DTX4: variants seen among roughly 807,000 people sequenced by gnomAD.
DTX4 encodes the protein deltex E3 ubiquitin ligase 4.
A neutral mutation model predicts 57.6 loss-of-function variants in DTX4; 28 were observed. The observed-to-expected ratio is 0.49, with a 90% CI of 0.36 to 0.67. DTX4 has a LOEUF of 0.67. DTX4 is among the 30% of genes least tolerant of loss of function. The pLI, the probability that DTX4 is intolerant of heterozygous loss-of-function variation, is 0.00. For synonymous variants in DTX4, 316 were observed against 331.0 expected, an observed-to-expected ratio of 0.95 and a Z score of 0.49; for missense variants, 715 against 836.8, an observed-to-expected ratio of 0.85 and a Z score of 1.80.
intron 1 of DTX4, among the ~76,000 whole-genome samples, chr11:59,177,178 T>G (rs750043977): frequency 2.0e-5 from 3 of 152,176 alleles, no homozygotes; most frequent in Non-Finnish European, 2.9e-5. Context: ...ACATAGACCC[T>G]GTAGCCCAAC....
Position 59,192,131 on chromosome 11 carries a change from C to A in DTX4, c.1255C>A (p.Pro419Thr). ...CATCTGTATGGAACGCCTCACGGCC[C>A]CCTCAGGCTACAAGGGCCCGCAGCC... ...CTICMERLTA[P>T]SGYKGPQPTV... is the part of the protein sequence containing the mutation. Residue 419 changes from proline (P) to threonine (T), a missense_variant, in exon 6 of 9, where the codon CCC becomes ACC. Pro to Thr is a conservative substitution (Grantham distance 38, BLOSUM62 -1). Transcript: ENST00000227451. 1 of 1,613,840 alleles carries A rather than the reference C, an allele frequency of 6.2e-7. No individual in the cohort carries two copies. The highest frequency in any genetic ancestry group is 8.5e-7 in the Non-Finnish European group (1 of 1,179,902).
chr11:59,207,402 GC>G lies in DTX4; in HGVS notation c.*2498del, dbSNP rs1194040575. ...CCCCTGGGCTTTTGATTGTGTCTGT[GC>G]CCCCTTTCTTGTCCTCTCTGCAGAT... On this transcript the variant is annotated 3_prime_UTR_variant, in exon 9 of 9. Coordinates refer to ENST00000227451, the MANE Select transcript of DTX4 (RefSeq NM_015177.2). 6.6e-6 allele frequency: 1 copy of G among 152,366 alleles called. No homozygotes were observed. Among genetic ancestry groups the G allele is most frequent in the Non-Finnish European group, 1.5e-5 (1 of 68,210 alleles). The allele number at this position is 152,366 out of a possible 1,614,324, so 9.4% of individuals were successfully genotyped here. A position where few individuals can be genotyped will look rare whatever the true frequency, so the allele number is the denominator to read the frequency against.
At chr11:59,191,350 C>A (rs1442447586) in intron 5 of DTX4, among the ~76,000 whole-genome samples, 175 bp downstream of exon 5, 1 of 152,224 alleles carries the variant, frequency 6.6e-6, no homozygotes, top group Non-Finnish European at 1.5e-5. Flanking sequence ...GCTGCAGCTG[C>A]ACCTCAATCT....
chr11:59,172,631 G>T lies in DTX4; in HGVS notation c.36G>T (p.Trp12Cys). 1 of 1,586,886 alleles carries T rather than the reference G, an allele frequency of 6.3e-7. No homozygotes were observed. Residue 12 changes from tryptophan (W) to cysteine (C), a missense_variant, in exon 1 of 9, where the codon TGG becomes TGT. Physicochemically the swap from Trp to Cys is radical, Grantham distance 215 (BLOSUM62 -2). Transcript: ENST00000227451. The stretch of plus-strand genomic sequence containing the variant: ...CCTCGGCCGTGGTGGTCTGGGAATG[G>T]CTGAACGAGCACGGCCGCTGGCGTC... ...LLASAVVVWE[W>C]LNEHGRWRPY...
chr11:59,184,518 A>G (rs1408625914), intron 2 of DTX4, among the ~76,000 whole-genome samples: 1 of 152,210 alleles, frequency 6.6e-6, no homozygotes, highest in Admixed American at 6.5e-5. Context: ...ACAGGTGTCC[A>G]TGTAGGGGAA....
intron 6 of DTX4, chr11:59,194,980 T>A: frequency 1.8e-6 from 1 of 567,178 alleles, no homozygotes. Context: ...CTCTTACATA[T>A]CCCTCAGCAT....
rs1196958189 is a variant in DTX4 at position 59,207,637 on chromosome 11, G to T, written c.*2728G>T. ...TGCATCTACTACCTTGACACAGAGTGTTTTCCCACTAGAAGCTCTGCTCTG... is the reference window on the plus strand; with the variant it reads ...TGCATCTACTACCTTGACACAGAGTTTTTTCCCACTAGAAGCTCTGCTCTG... On this transcript the variant is annotated 3_prime_UTR_variant, in exon 9 of 9. Coordinates refer to ENST00000227451, the MANE Select transcript of DTX4 (RefSeq NM_015177.2). 1 of 152,716 alleles carries T rather than the reference G, an allele frequency of 6.5e-6. No individual in the cohort carries two copies. The highest frequency in any genetic ancestry group is 1.9e-4 in the East Asian group (1 of 5,200). 9.5% of individuals were successfully genotyped at this position (152,716 alleles called of 1,614,324 possible).
intron 6 of DTX4, chr11:59,194,945 G>A (rs1189853432): frequency 6.0e-6 from 3 of 499,840 alleles, no homozygotes; most frequent in Non-Finnish European, 3.6e-6. Context: ...TAGAGAGCTG[G>A]TCCCCTCCTC....
chr11:59,200,098 C>A (rs1192335886), intron 8 of DTX4, among the ~76,000 whole-genome samples: 1 of 152,146 alleles, frequency 6.6e-6, no homozygotes, highest in African/African-American at 2.4e-5. Context: ...GCTGGGAAGT[C>A]CCCACAATCA....
At position 59,191,194 on chromosome 11, in the gene DTX4, G is replaced by A; in HGVS notation, c.1221+19G>A. 2 of 1,562,738 alleles carry A rather than the reference G, an allele frequency of 1.3e-6. No individual in the cohort carries two copies. Among genetic ancestry groups the A allele is most frequent in the Non-Finnish European group, 1.7e-6 (2 of 1,153,296 alleles). ...AGATGAGGTGAGTTCAGGGTTAGAA[G>A]AGCGGGATTCACCTCTCCATCACCC... On this transcript the variant is annotated intron_variant, in intron 5 of 8. Coordinates refer to ENST00000227451, the MANE Select transcript of DTX4 (RefSeq NM_015177.2).
At chr11:59,180,507 G>A (rs1370580580) in intron 1 of DTX4, among the ~76,000 whole-genome samples, 1 of 152,182 alleles carries the variant, frequency 6.6e-6, no homozygotes, top group African/African-American at 2.4e-5. Context: ...CAGTCTTGGT[G>A]TATCCCTCTG....
chr11:59,172,777 A>G lies in DTX4; in HGVS notation c.182A>G (p.Gln61Arg), dbSNP rs1862344280. The G allele has an allele frequency of 1.3e-6, 2 of 1,595,466 alleles. No homozygotes were observed. The highest frequency in any genetic ancestry group is 2.7e-5 in the African/African-American group (2 of 73,658). The change falls in exon 1 of 9, where the codon CAG becomes CGG. Residue 61 changes from glutamine (Q) to arginine (R), a missense_variant. Physicochemically the swap from Gln to Arg is conservative, Grantham distance 43. Coordinates refer to ENST00000227451, the MANE Select transcript of DTX4 (RefSeq NM_015177.2). ...CTCGCGCCCTACATCATCGACCTGCAGTCCATGAACCAGTTCCGCCAAGAC... is the reference window on the plus strand; with the variant it reads ...CTCGCGCCCTACATCATCGACCTGCGGTCCATGAACCAGTTCCGCCAAGAC... The part of the protein sequence containing the change: ...SRLAPYIIDL[Q>R]SMNQFRQDTG...
rs1488912863 is a variant in DTX4 at position 59,205,820 on chromosome 11, CTG to C, written c.*915_*916del. Reference sequence around the variant, plus strand: ...GAGCCCATGCTGGGCTCTGTGCCCTCTGTGTCTGTGCATGCGCGTGTGTGTGT... The same window carrying C: ...GAGCCCATGCTGGGCTCTGTGCCCTCTGTCTGTGCATGCGCGTGTGTGTGT... On this transcript the variant is annotated 3_prime_UTR_variant, in exon 9 of 9. Transcript: ENST00000227451. The C allele has an allele frequency of 6.5e-6, 1 of 152,906 alleles. No individual in the cohort carries two copies. The highest frequency in any genetic ancestry group is 1.5e-5 in the Non-Finnish European group (1 of 68,254). The allele number at this position is 152,906 out of a possible 1,614,324, so 9.5% of individuals were successfully genotyped here.
At chr11:59,188,884 G>C in intron 3 of DTX4, 88 bp downstream of exon 3, 1 of 1,278,362 alleles carries the variant, frequency 7.8e-7, no homozygotes, top group Non-Finnish European at 1.1e-6. Flanking sequence ...AAAAAGGAGA[G>C]AATCTAGATA....
intron 1 of DTX4, 127 bp downstream of exon 1, chr11:59,172,933 G>A (rs1730728143): frequency 1.6e-6 from 1 of 637,538 alleles, no homozygotes. Context: ...TCACCAAGAG[G>A]TGGTGGTGGG....
In DTX4 at chr11:59,188,172, T is replaced by C. The variant is rs993338385; in HGVS notation, c.936-563T>C. Among the ~76,000 whole-genome samples, 6 of 152,312 alleles carry C rather than the reference T, an allele frequency of 3.9e-5. No homozygotes were observed. The South Asian group carries it at 8.3e-4, about 21-fold the overall frequency. On this transcript the variant is annotated intron_variant, in intron 2 of 8. Coordinates refer to ENST00000227451, the MANE Select transcript of DTX4 (RefSeq NM_015177.2). ...ACAGACAAAGATATTTTGCCCTTTG[T>C]AGAGCCTAGATTCTAGAAGGGGGCA...
At chr11:59,174,263 G>A (rs1565214501) in intron 1 of DTX4, among the ~76,000 whole-genome samples, 1 of 152,122 alleles carries the variant, frequency 6.6e-6, no homozygotes, top group Non-Finnish European at 1.5e-5. Flanking sequence ...GGGAGACTGG[G>A]AGGAGCAGAG....
Position 59,195,961 on chromosome 11 carries a change from T to C in DTX4, c.1536+592T>C, listed in dbSNP as rs1401339170. ...GGCTTTGATTTTGGTGGGCATTTCT[T>C]TCCTCTTTTGATTCTCTGAAAGACA... On this transcript the variant is annotated intron_variant, in intron 7 of 8. Coordinates refer to ENST00000227451, the MANE Select transcript of DTX4 (RefSeq NM_015177.2). Among the ~76,000 whole-genome samples, 5 of 152,378 alleles carry C rather than the reference T, an allele frequency of 3.3e-5. No individual in the cohort carries two copies. In the East Asian group the frequency reaches 5.8e-4, roughly 18 times the overall value.
chr11:59,192,935 G>A (rs1862618033), intron 6 of DTX4, among the ~76,000 whole-genome samples: 1 of 152,188 alleles, frequency 6.6e-6, no homozygotes, highest in Admixed American at 6.5e-5. Flanking sequence ...TCTCCTTACA[G>A]TGTCTGAGCA....
Sources: allele counts gnomAD v4.1 joint callset (sites outside exome capture counted in the v4.1 genomes callset), GRCh38; gene constraint gnomAD v4.1.1; transcripts MANE v1.5; gene names NCBI Gene and HGNC (gene_info 2026-07-23, HGNC 2026-07-21).